The following PLCH1 variants were observed in gnomAD, a reference collection of about 807,000 sequenced individuals.
The protein encoded by PLCH1 is 1-phosphatidylinositol 4,5-bisphosphate phosphodiesterase eta-1.
PLCH1 carries 60 observed loss-of-function variants against 126.7 expected under a neutral mutation model. That is an observed-to-expected ratio of 0.47 (90% CI 0.38 to 0.59). The LOEUF (loss-of-function observed/expected upper bound fraction) is 0.59. PLCH1 is among the 20% of genes least tolerant of loss of function. The pLI is 0.00. For missense variants in PLCH1, 1,723 were observed against 2,040.0 expected, an observed-to-expected ratio of 0.84 and a Z score of 2.99; for synonymous variants, 719 against 734.9, an observed-to-expected ratio of 0.98 and a Z score of 0.35.
intron 3 of PLCH1, 133 bp from the exon 4 acceptor site, chr3:155,594,317 T>C: frequency 1.2e-6 from 1 of 827,356 alleles, no homozygotes; most frequent in Non-Finnish European, 1.8e-6. Context: ...ACGCTTGTAA[T>C]CCTAGCAGTT....
intron 15 of PLCH1, among the ~76,000 whole-genome samples, chr3:155,496,362 T>G (rs149715086): frequency 6.6e-6 from 1 of 152,354 alleles, no homozygotes; most frequent in East Asian, 1.9e-4. Flanking sequence ...TGTAAGAGTG[T>G]GTTGCTCAGT....
intron 21 of PLCH1, among the ~76,000 whole-genome samples, chr3:155,463,438 T>C (rs975554941): frequency 2.6e-5 from 4 of 152,214 alleles, no homozygotes; most frequent in African/African-American, 9.6e-5. Flanking sequence ...GACTAGATGT[T>C]AACTATATGT....
At chr3:155,625,289 G>A (rs760154077) in intron 2 of PLCH1, among the ~76,000 whole-genome samples, 4 of 151,766 alleles carry the variant, frequency 2.6e-5, no homozygotes, top group East Asian at 1.9e-4. Flanking sequence ...CCATAAAAAC[G>A]CTAGAAAAAA....
chr3:155,621,472 G>C (rs4618256), intron 2 of PLCH1, among the ~76,000 whole-genome samples: 44,895 of 152,006 alleles, frequency 0.3, 7,206 homozygotes, highest in East Asian at 0.44. Flanking sequence ...CCAAGCTAAA[G>C]GAGCATGTTC....
chr3:155,578,961 C>T (rs541795731), intron 6 of PLCH1, among the ~76,000 whole-genome samples: 207 of 152,172 alleles, frequency 1.4e-3, no homozygotes, highest in African/African-American at 4.9e-3. Flanking sequence ...CACAGAGGTG[C>T]CAAGAAAAGT....
chr3:155,488,106 G>A lies in PLCH1; in HGVS notation c.2541C>T (p.Gly847=). The change falls in exon 21 of 23, where the codon GGC becomes GGT. Residue 847 remains glycine, a splice_region_variant and synonymous_variant. Transcript: ENST00000460012. ...GTCCTTCCAAATAGACATGCCGGTA[G>A]CCTGATAAAAGGAAAGAGAGTCGTT... The part of the protein sequence containing the change: ...RTVTFSSLVP[G]YRHVYLEGLT... 1 of 1,599,980 alleles carries A rather than the reference G, an allele frequency of 6.3e-7. No individual in the cohort carries two copies. The highest frequency in any genetic ancestry group is 8.6e-7 in the Non-Finnish European group (1 of 1,167,122).
chr3:155,522,754 T>G (rs186896101), intron 11 of PLCH1, among the ~76,000 whole-genome samples: 1 of 151,768 alleles, frequency 6.6e-6, no homozygotes, highest in Admixed American at 6.6e-5. Context: ...AGTCCTGATG[T>G]CTAGAGGACT....
At chr3:155,553,584 C>T (rs359548) in intron 9 of PLCH1, among the ~76,000 whole-genome samples, 78,716 of 151,936 alleles carry the variant, frequency 0.52, 22,785 homozygotes, top group Non-Finnish European at 0.66. Flanking sequence ...TGAGAAGCAA[C>T]GAGAGCAATG....
chr3:155,564,117 T>C (rs960918274), intron 8 of PLCH1, among the ~76,000 whole-genome samples: 3 of 151,556 alleles, frequency 2.0e-5, no homozygotes, highest in African/African-American at 7.3e-5. Context: ...CTGGTTTATA[T>C]TATTTTATAA....
chr3:155,538,870 A>G (rs956903365), intron 10 of PLCH1, among the ~76,000 whole-genome samples: 1 of 152,140 alleles, frequency 6.6e-6, no homozygotes, highest in African/African-American at 2.4e-5. Flanking sequence ...CCAAAAGATG[A>G]GAAAGAAAGA....
intron 2 of PLCH1, among the ~76,000 whole-genome samples, chr3:155,681,974 A>T (rs1744576999): frequency 6.6e-6 from 1 of 152,118 alleles, no homozygotes; most frequent in Admixed American, 6.5e-5. Context: ...TCCCTTGACC[A>T]CTCAGTCATC....
intron 10 of PLCH1, among the ~76,000 whole-genome samples, chr3:155,535,157 T>C (rs1182297629): frequency 6.6e-6 from 1 of 152,218 alleles, no homozygotes. Flanking sequence ...TCTGACTGTC[T>C]CACAGGGGCC....
At chr3:155,500,888 G>A in intron 13 of PLCH1, 94 bp from the exon 14 acceptor site, 1 of 788,236 alleles carries the variant, frequency 1.3e-6, no homozygotes, top group Non-Finnish European at 2.2e-6. Context: ...ATGCACATGT[G>A]CACAAACATA....
intron 1 of PLCH1, among the ~76,000 whole-genome samples, chr3:155,725,645 G>C (rs1748265835): frequency 6.6e-6 from 1 of 152,080 alleles, no homozygotes; most frequent in Admixed American, 6.5e-5. Flanking sequence ...TCACCACGTT[G>C]GCCGGGCTGG....
intron 21 of PLCH1, among the ~76,000 whole-genome samples, chr3:155,462,500 T>C (rs571367035): frequency 1.3e-5 from 2 of 152,308 alleles, no homozygotes; most frequent in South Asian, 4.2e-4. Context: ...TTTAGGGGAT[T>C]GAAACTGACC....
chr3:155,610,084 G>A (rs1179290051), intron 2 of PLCH1, among the ~76,000 whole-genome samples: 1 of 152,096 alleles, frequency 6.6e-6, no homozygotes, highest in Non-Finnish European at 1.5e-5. Flanking sequence ...TCACCACTGG[G>A]TGCGGTGGAT....
chr3:155,610,130 C>T (rs911301257), intron 2 of PLCH1, among the ~76,000 whole-genome samples: 6 of 151,906 alleles, frequency 3.9e-5, no homozygotes, highest in African/African-American at 1.5e-4. Flanking sequence ...AAGGCCAAGG[C>T]GGGCGGATCA....
intron 11 of PLCH1, among the ~76,000 whole-genome samples, chr3:155,516,961 T>C (rs1378450516): frequency 2.6e-5 from 4 of 152,032 alleles, no homozygotes; most frequent in African/African-American, 9.7e-5. Context: ...CGGGGGACAA[T>C]TCCAGGAGCA....
chr3:155,486,615 C>G (rs1715198542), intron 21 of PLCH1, among the ~76,000 whole-genome samples: 1 of 148,904 alleles, frequency 6.7e-6, no homozygotes, highest in East Asian at 2.0e-4. Flanking sequence ...AGCTCCGCTT[C>G]CCGGGTTCAC....
Sources: gnomAD v4.1 joint callset for allele counts (sites outside exome capture counted in the v4.1 genomes callset) on GRCh38, gnomAD v4.1.1 for gene constraint, MANE v1.5 for transcripts, NCBI Gene and HGNC (gene_info 2026-07-23, HGNC 2026-07-21) for gene names.